DLAT: variants seen among roughly 807,000 people sequenced by gnomAD.
The protein encoded by DLAT is dihydrolipoyllysine-residue acetyltransferase component of pyruvate dehydrogenase complex, mitochondrial.
A neutral mutation model predicts 68.0 loss-of-function variants in DLAT; 43 were observed. The observed-to-expected ratio is 0.63, with a 90% CI of 0.50 to 0.81. The LOEUF is 0.81. DLAT is among the 40% of genes least tolerant of loss of function. DLAT has a pLI of 0.00. For missense variants in DLAT, 745 were observed against 815.4 expected (o/e 0.91, Z 1.05); for synonymous variants, 265 against 288.6 (o/e 0.92, Z 0.83).
chr11:112,028,420 CAAAAAAAAA>C (rs148561787), intron 2 of DLAT, 86 bp from the exon 3 acceptor site: 155 of 820,526 alleles, frequency 1.9e-4, no homozygotes, highest in Non-Finnish European at 2.4e-4. Flanking sequence ...CTCTGTGTCT[CAAAAAAAAA>C]AAAAAAAAAA....
At chr11:112,048,464 C>T (rs1349725384) in intron 10 of DLAT, among the ~76,000 whole-genome samples, 3 of 152,206 alleles carry the variant, frequency 2.0e-5, no homozygotes, top group Non-Finnish European at 4.4e-5. Context: ...TTATTTCTTT[C>T]TCTTGCCTGA....
Position 112,061,034 on chromosome 11 carries a change from C to T in DLAT, c.1678-4C>T, listed in dbSNP as rs1864582654. On this transcript the variant is annotated splice_region_variant and splice_polypyrimidine_tract_variant and intron_variant, in intron 12 of 13. Transcript: ENST00000280346. Reference sequence around the variant, plus strand: ...TAATTTATTTTTAATTTTTTTTCCTCTAGGGTGGCACTTTTACGATCTCCA... The same window carrying T: ...TAATTTATTTTTAATTTTTTTTCCTTTAGGGTGGCACTTTTACGATCTCCA... 4 of 1,579,554 alleles carry T rather than the reference C, an allele frequency of 2.5e-6. No individual in the cohort carries two copies. Among genetic ancestry groups the T allele is most frequent in the Admixed American group, 1.8e-5 (1 of 55,850 alleles).
Position 112,063,744 on chromosome 11 carries a change from A to C in DLAT, c.*1209A>C, listed in dbSNP as rs1040852440. 1 of 152,142 alleles carries C rather than the reference A, an allele frequency of 6.6e-6. No homozygotes were observed. Among genetic ancestry groups the C allele is most frequent in the African/African-American group, 2.5e-5 (1 of 39,828 alleles). 9.4% of individuals were successfully genotyped at this position (152,142 alleles called of 1,614,324 possible). A position where few individuals can be genotyped will look rare whatever the true frequency, so the allele number is the denominator to read the frequency against. On this transcript the variant is annotated 3_prime_UTR_variant, in exon 14 of 14. Coordinates refer to ENST00000280346, the MANE Select transcript of DLAT (RefSeq NM_001931.5). ...TAAATACTTTTTTCTATTTTGTTAGATTTTGCCTTTCTTTTGGAAGGAAGG... is the reference window on the plus strand; with the variant it reads ...TAAATACTTTTTTCTATTTTGTTAGCTTTTGCCTTTCTTTTGGAAGGAAGG...
chr11:112,055,937 C>T (rs889694170), intron 11 of DLAT, among the ~76,000 whole-genome samples: 4 of 129,044 alleles, frequency 3.1e-5, no homozygotes, highest in Non-Finnish European at 4.7e-5. Context: ...GTGCTATCTC[C>T]GCTCATTGCA....
At chr11:112,037,481 C>T in intron 6 of DLAT, 21 bp downstream of exon 6, 1 of 1,611,400 alleles carries the variant, frequency 6.2e-7, no homozygotes, top group South Asian at 1.1e-5. Flanking sequence ...TTCTAGAATT[C>T]AGGAAACACT....
chr11:112,034,600 G>A (rs1261917923), intron 5 of DLAT, among the ~76,000 whole-genome samples: 2 of 151,272 alleles, frequency 1.3e-5, no homozygotes, highest in Admixed American at 1.3e-4. Context: ...CCGCTGCCAC[G>A]CCTGGCTAAT....
chr11:112,064,259 A>G lies in DLAT; in HGVS notation c.*1724A>G, dbSNP rs782592509. 2 of 1,509,574 alleles carry G rather than the reference A, an allele frequency of 1.3e-6. No individual in the cohort carries two copies. The highest frequency in any genetic ancestry group is 2.4e-5 in the East Asian group (1 of 41,808). The allele number at this position is 1,509,574 out of a possible 1,614,324, so 93.5% of individuals were successfully genotyped here. On this transcript the variant is annotated 3_prime_UTR_variant, in exon 14 of 14. Coordinates refer to ENST00000280346, the MANE Select transcript of DLAT (RefSeq NM_001931.5). ...TAAAAACAGTTGCCTTCTAATAAAC[A>G]TTGTTGAGTTAAAAATTAATCTGAG...
chr11:112,041,723 T>C (rs1863060910), intron 7 of DLAT, among the ~76,000 whole-genome samples: 1 of 151,854 alleles, frequency 6.6e-6, no homozygotes, highest in South Asian at 2.1e-4. Context: ...CTACTAAAAA[T>C]ACAAAAAAAT....
Position 112,037,256 on chromosome 11 carries a change from TTTTC to T in DLAT, c.788-11_788-8del. 2 of 1,612,252 alleles carry T rather than the reference TTTTC, an allele frequency of 1.2e-6. No homozygotes were observed. ...GGAATCTCTTAAGTCCCATAATGTT[TTTTC>T]TTTCTATTTAAGGTTTTGAAGTACA... On this transcript the variant is annotated splice_polypyrimidine_tract_variant and intron_variant, in intron 5 of 13. Coordinates refer to ENST00000280346, the MANE Select transcript of DLAT (RefSeq NM_001931.5).
rs1862819639 is a variant in DLAT at position 112,037,185 on chromosome 11, A to G, written c.788-88A>G. On this transcript the variant is annotated intron_variant, in intron 5 of 13. Coordinates refer to ENST00000280346, the MANE Select transcript of DLAT (RefSeq NM_001931.5). ...AGGCTATATAGCTAGCTTGAATGAG[A>G]AAAATCACTTTACTTAAAACTGTGC... The G allele has an allele frequency of 1.1e-5, 15 of 1,339,756 alleles. No homozygotes were observed. In the South Asian group the frequency reaches 1.8e-4, roughly 16 times the overall value. The allele number at this position is 1,339,756 out of a possible 1,614,324, so 83.0% of individuals were successfully genotyped here.
At chr11:112,033,328 C>T in intron 4 of DLAT, 76 bp from the exon 5 acceptor site, 1 of 1,558,010 alleles carries the variant, frequency 6.4e-7, no homozygotes, top group Non-Finnish European at 8.8e-7. Flanking sequence ...TTCTATGAAA[C>T]CACATAAGTC....
intron 7 of DLAT, 29 bp from the exon 8 acceptor site, chr11:112,043,437 C>G: frequency 6.3e-7 from 1 of 1,596,778 alleles, no homozygotes; most frequent in Non-Finnish European, 8.6e-7. Flanking sequence ...GGTATGTCAT[C>G]ATGTATGTGA....
At chr11:112,027,268 C>T (rs190796065) in intron 2 of DLAT, among the ~76,000 whole-genome samples, 1,614 of 150,602 alleles carry the variant, frequency 0.011, 35 homozygotes, top group African/African-American at 0.038. Flanking sequence ...GACGGGGTCG[C>T]GGCCGGGTAG....
intron 5 of DLAT, among the ~76,000 whole-genome samples, chr11:112,036,454 C>T (rs1862783826): frequency 6.6e-6 from 1 of 151,522 alleles, no homozygotes; most frequent in Non-Finnish European, 1.5e-5. Flanking sequence ...CTCAGGTGAT[C>T]CACCCGCCTC....
At position 112,063,642 on chromosome 11, in the gene DLAT, A is replaced by G. The variant is rs1423940757; in HGVS notation, c.*1107A>G. On this transcript the variant is annotated 3_prime_UTR_variant, in exon 14 of 14. Transcript: ENST00000280346. The stretch of plus-strand genomic sequence containing the variant: ...GTGTTCTGTGTCCTTCTACTCCAGC[A>G]TCGTCTCATGTAAAATAAGAAAGCC... 6.6e-6 allele frequency: 1 copy of G among 152,280 alleles called. No homozygotes were observed. The highest frequency in any genetic ancestry group is 1.5e-5 in the Non-Finnish European group (1 of 68,028). The allele number at this position is 152,280 out of a possible 1,614,324, so 9.4% of individuals were successfully genotyped here.
chr11:112,048,566 C>T (rs1049306764), intron 10 of DLAT, among the ~76,000 whole-genome samples: 3 of 152,232 alleles, frequency 2.0e-5, no homozygotes, highest in Non-Finnish European at 4.4e-5. Flanking sequence ...CTGAGTCTCA[C>T]TCTGTTGCCC....
intron 5 of DLAT, among the ~76,000 whole-genome samples, chr11:112,036,191 G>T (rs1862739055): frequency 2.7e-5 from 2 of 73,404 alleles, no homozygotes; most frequent in African/African-American, 5.6e-5. Context: ...GTGTGTGTGT[G>T]TGTGTGTGTG....
At chr11:112,045,293 TC>T in intron 9 of DLAT, 63 bp downstream of exon 9, 1 of 1,331,544 alleles carries the variant, frequency 7.5e-7, no homozygotes, top group Non-Finnish European at 1.1e-6. Flanking sequence ...TTTAGTTGCT[TC>T]CATAGTTTTT....
intron 8 of DLAT, among the ~76,000 whole-genome samples, chr11:112,044,429 A>T (rs1466317430): frequency 2.0e-5 from 3 of 152,170 alleles, no homozygotes; most frequent in Admixed American, 6.5e-5. Context: ...TCCTGGCCTC[A>T]AGTGAGTCAT....
Sources: gnomAD v4.1 joint callset for allele counts (sites outside exome capture counted in the v4.1 genomes callset) on GRCh38, gnomAD v4.1.1 for gene constraint, MANE v1.5 for transcripts, NCBI Gene and HGNC (gene_info 2026-07-23, HGNC 2026-07-21) for gene names.